The following TBL1X variants were observed in gnomAD, a reference collection of about 807,000 sequenced individuals.
The protein encoded by TBL1X is F-box-like/WD repeat-containing protein TBL1X.
In TBL1X, 10 loss-of-function variants were observed where a neutral mutation model predicts 50.7. That is an observed-to-expected ratio of 0.20 (90% CI 0.12 to 0.33). TBL1X has a LOEUF of 0.33. Among genes scored for constraint, TBL1X ranks in the 10% least tolerant of loss-of-function variants. The pLI, the probability that TBL1X is intolerant of heterozygous loss-of-function variation, is 1.00. For missense variants in TBL1X, 340 were observed against 504.4 expected (o/e 0.67, Z 3.12); for synonymous variants, 190 against 214.7 (o/e 0.88, Z 1.01).
chrX:9,546,803 ATTTTTTTTTTTTTTT>A (rs774181046), intron 2 of TBL1X, among the ~76,000 whole-genome samples: 12 of 44,987 alleles, frequency 2.7e-4, no homozygotes, highest in African/African-American at 2.7e-4. Context: ...TTTATTCTTA[ATTTTTTTTTTTTTTT>A]TTTTTTTTTT....
intron 2 of TBL1X, among the ~76,000 whole-genome samples, chrX:9,588,833 C>CT (rs759041006): frequency 2.3e-4 from 25 of 110,924 alleles, no homozygotes; most frequent in Admixed American, 4.8e-4. Flanking sequence ...AAACTCCTGA[C>CT]TTCAGGTGAT....
chrX:9,569,300 TGTG>T (rs1456858658), intron 2 of TBL1X, among the ~76,000 whole-genome samples: 5 of 91,263 alleles, frequency 5.5e-5, no homozygotes, highest in African/African-American at 1.2e-4. Flanking sequence ...TGCAATGTGT[TGTG>T]TGTGTGTGGT....
chrX:9,481,434 G>A (rs1207474875), intron 1 of TBL1X, among the ~76,000 whole-genome samples: 4 of 111,991 alleles, frequency 3.6e-5, no homozygotes, highest in African/African-American at 1.3e-4. Flanking sequence ...CTCTCTACCT[G>A]ATTTCTCTAG....
chrX:9,494,810 C>T (rs1390847900), intron 1 of TBL1X, among the ~76,000 whole-genome samples: 2 of 111,737 alleles, frequency 1.8e-5, no homozygotes, highest in African/African-American at 3.3e-5. Context: ...AGAGAAATTT[C>T]GGTCTTGAGT....
chrX:9,538,102 G>A (rs937869273), intron 2 of TBL1X, among the ~76,000 whole-genome samples: 6 of 112,401 alleles, frequency 5.3e-5, no homozygotes, highest in African/African-American at 1.9e-4. Flanking sequence ...GGTCATTGGC[G>A]TTGAAATCGT....
At chrX:9,636,523 A>ACAG (rs2082748819) in intron 2 of TBL1X, 1 of 109,800 alleles carries the variant, frequency 9.1e-6, no homozygotes, top group East Asian at 2.8e-4. Context: ...AACAACAACA[A>ACAG]CAACCATGTA....
intron 2 of TBL1X, among the ~76,000 whole-genome samples, chrX:9,608,004 T>G (rs1209018387): frequency 9.6e-6 from 1 of 103,966 alleles, no homozygotes; most frequent in Non-Finnish European, 2.0e-5. Context: ...AGAGACAGGG[T>G]GTCACTGTGT....
chrX:9,704,893 A>C, intron 12 of TBL1X, 100 bp from the exon 13 acceptor site: 1 of 1,147,770 alleles, frequency 8.7e-7, no homozygotes, highest in Non-Finnish European at 1.2e-6. Flanking sequence ...TAAATAAATA[A>C]GTAAACTAAA....
At chrX:9,629,764 G>C (rs980363456) in intron 2 of TBL1X, among the ~76,000 whole-genome samples, 4 of 111,602 alleles carry the variant, frequency 3.6e-5, no homozygotes, top group Non-Finnish European at 7.5e-5. Context: ...TATTGGACCA[G>C]ACAGGCTGTT....
rs371648137 is a variant in TBL1X, at chrX:9,536,836, T to A, written c.-131+34987T>A. Among the ~76,000 whole-genome samples the A allele has an allele frequency of 1.5e-4, 17 of 111,736 alleles. 1 individual carries two copies. The highest frequency in any genetic ancestry group is 8.6e-4 in the Admixed American group (9 of 10,511). On this transcript the variant is annotated intron_variant, in intron 2 of 17. Coordinates refer to ENST00000645353, the MANE Select transcript of TBL1X (RefSeq NM_005647.4). The stretch of plus-strand genomic sequence containing the variant: ...ACCCGGAGGTCAAATATTGCTAATT[T>A]GACTTTTATCATAGAGACATTTTCT...
intron 5 of TBL1X, among the ~76,000 whole-genome samples, chrX:9,663,317 T>A (rs746786017): frequency 8.9e-6 from 1 of 111,887 alleles, no homozygotes; most frequent in Non-Finnish European, 1.9e-5. Flanking sequence ...ATGGCCAGTG[T>A]CCATCAGTGG....
intron 2 of TBL1X, among the ~76,000 whole-genome samples, chrX:9,563,813 C>T (rs1434516080): frequency 8.9e-6 from 1 of 112,135 alleles, no homozygotes; most frequent in African/African-American, 3.2e-5. Flanking sequence ...AAAGGGAAAA[C>T]TTAAATCTGA....
chrX:9,492,809 G>A (rs1159586336), intron 1 of TBL1X, among the ~76,000 whole-genome samples: 2 of 107,814 alleles, frequency 1.9e-5, no homozygotes, highest in Non-Finnish European at 3.8e-5. Flanking sequence ...GATGCAGGGA[G>A]TGGAATATTG....
intron 2 of TBL1X, among the ~76,000 whole-genome samples, chrX:9,635,724 C>T (rs945646976): frequency 3.6e-5 from 4 of 112,324 alleles, no homozygotes; most frequent in African/African-American, 1.3e-4. Context: ...GCCTTCTGCT[C>T]CTTTCCCCAG....
At chrX:9,692,077 C>G in intron 8 of TBL1X, 36 bp from the exon 9 acceptor site, 1 of 1,211,145 alleles carries the variant, frequency 8.3e-7, no homozygotes, top group Non-Finnish European at 1.1e-6. Flanking sequence ...CCCATTTGAA[C>G]CAAACACCAG....
At chrX:9,693,514 T>C in intron 11 of TBL1X, 95 bp downstream of exon 11, 1 of 810,872 alleles carries the variant, frequency 1.2e-6, no homozygotes, top group Non-Finnish European at 1.8e-6. Context: ...ACTCGTAGGC[T>C]TTGTGCTTCC....
At position 9,569,073 on chromosome X, in the gene TBL1X, C is replaced by G. The variant is rs755279528; in HGVS notation, c.-131+67224C>G. Among the ~76,000 whole-genome samples, 4 of 79,816 alleles carry G rather than the reference C, an allele frequency of 5.0e-5. No homozygotes were observed. The East Asian group carries it at 1.7e-3, about 34-fold the overall frequency. 69.3% of individuals were successfully genotyped at this position (79,816 alleles called of 115,157 possible). A position where few individuals can be genotyped will look rare whatever the true frequency, so the allele number is the denominator to read the frequency against. ...GTGTGTCTATCTGTGCTGTGTGTGT[C>G]TGGTGTGCTGTGTGTGTGTCTCTGC... On this transcript the variant is annotated intron_variant, in intron 2 of 17. Transcript: ENST00000645353.
intron 2 of TBL1X, among the ~76,000 whole-genome samples, chrX:9,541,564 G>A (rs2082214964): frequency 8.9e-6 from 1 of 112,701 alleles, no homozygotes; most frequent in African/African-American, 3.2e-5. Flanking sequence ...GCTGTGTCAG[G>A]AACGACTGCC....
intron 2 of TBL1X, among the ~76,000 whole-genome samples, chrX:9,546,520 A>C (rs936543417): frequency 7.2e-5 from 8 of 110,738 alleles, no homozygotes; most frequent in Non-Finnish European, 1.3e-4. Context: ...TCTCAGAAAA[A>C]ACAAACAAAC....
Sources: gnomAD v4.1 joint callset for allele counts (sites outside exome capture counted in the v4.1 genomes callset) on GRCh38, gnomAD v4.1.1 for gene constraint, MANE v1.5 for transcripts, NCBI Gene and HGNC (gene_info 2026-07-23, HGNC 2026-07-21) for gene names.